Variants in NDUFAF2 observed in about 807,000 individuals in gnomAD.
NDUFAF2 encodes the protein NADH dehydrogenase [ubiquinone] 1 alpha subcomplex assembly factor 2.
A neutral mutation model predicts 22.8 loss-of-function variants in NDUFAF2; 13 were observed. That is an observed-to-expected ratio of 0.57 (90% CI 0.37 to 0.91). The LOEUF (loss-of-function observed/expected upper bound fraction) is 0.91. Ranked by LOEUF, NDUFAF2 falls within the 40% of genes least tolerant of loss-of-function variation. The probability of loss-of-function intolerance (pLI) is 0.01; values close to 1 mark genes in which losing one functional copy is unlikely to be tolerated. For synonymous variants in NDUFAF2, 53 were observed against 64.2 expected, an observed-to-expected ratio of 0.83 and a Z score of 0.84; for missense variants, 162 against 195.2, an observed-to-expected ratio of 0.83 and a Z score of 1.01.
At chr5:60,964,783 C>A (rs57818831) in intron 1 of NDUFAF2, among the ~76,000 whole-genome samples, 9,654 of 152,076 alleles carry the variant, frequency 0.063, 1,010 homozygotes, top group African/African-American at 0.22. Flanking sequence ...CCATGTTGTA[C>A]AATGGAACTC....
At chr5:61,141,664 A>AAATGAATGAATG (rs70977828) in intron 3 of NDUFAF2, among the ~76,000 whole-genome samples, 4,385 of 151,154 alleles carry the variant, frequency 0.029, 88 homozygotes, top group Middle Eastern at 0.061. Context: ...AGTATATATT[A>AAATGAATGAATG]AATGAATGAA....
At chr5:60,997,829 AT>A (rs903971017) in intron 1 of NDUFAF2, among the ~76,000 whole-genome samples, 1 of 152,116 alleles carries the variant, frequency 6.6e-6, no homozygotes, top group South Asian at 2.1e-4. Context: ...GAGAACAAAA[AT>A]TCTAAGTGTG....
chr5:61,034,910 A>ATGTGTGTGTG (rs200108799), intron 1 of NDUFAF2, among the ~76,000 whole-genome samples: 4 of 89,498 alleles, frequency 4.5e-5, no homozygotes, highest in Admixed American at 1.3e-4. Context: ...AGGCAAATAT[A>ATGTGTGTGTG]TATGTGTGTG....
chr5:61,120,741 T>TA (rs1752965517), intron 3 of NDUFAF2, among the ~76,000 whole-genome samples: 1 of 151,422 alleles, frequency 6.6e-6, no homozygotes, highest in African/African-American at 2.4e-5. Context: ...TTCTGAGTCA[T>TA]CATTAGTCAC....
chr5:61,040,178 G>A (rs948683110), intron 1 of NDUFAF2, among the ~76,000 whole-genome samples: 1 of 150,852 alleles, frequency 6.6e-6, no homozygotes, highest in Non-Finnish European at 1.5e-5. Context: ...TGTCTATACA[G>A]TTAAGTTAAG....
chr5:60,961,116 G>T (rs1255146991), intron 1 of NDUFAF2, among the ~76,000 whole-genome samples: 2 of 152,044 alleles, frequency 1.3e-5, no homozygotes, highest in Non-Finnish European at 2.9e-5. Flanking sequence ...GATGAAGTTC[G>T]ATTTGCTCTT....
chr5:60,996,543 C>T (rs2112588450), intron 1 of NDUFAF2, among the ~76,000 whole-genome samples: 1 of 152,208 alleles, frequency 6.6e-6, no homozygotes, highest in Middle Eastern at 3.4e-3. Flanking sequence ...CCCTTGGCAG[C>T]CCCACAGTGG....
At chr5:60,958,670 G>A (rs1161729460) in intron 1 of NDUFAF2, among the ~76,000 whole-genome samples, 3 of 151,986 alleles carry the variant, frequency 2.0e-5, no homozygotes, top group African/African-American at 4.8e-5. Flanking sequence ...AGATGTTTAC[G>A]GACCCAGAGG....
intron 2 of NDUFAF2, among the ~76,000 whole-genome samples, chr5:61,082,951 A>C (rs1306489306): frequency 6.6e-6 from 1 of 152,132 alleles, no homozygotes; most frequent in Non-Finnish European, 1.5e-5. Flanking sequence ...AGAATCGCCA[A>C]ACTGCTTTCC....
intron 1 of NDUFAF2, among the ~76,000 whole-genome samples, chr5:61,038,924 T>G (rs1175813894): frequency 6.6e-6 from 1 of 152,082 alleles, no homozygotes. Context: ...GCTTTTTTGT[T>G]TATCTTGTTA....
At chr5:60,974,055 G>A (rs1449276824) in intron 1 of NDUFAF2, among the ~76,000 whole-genome samples, 2 of 152,200 alleles carry the variant, frequency 1.3e-5, no homozygotes, top group Non-Finnish European at 2.9e-5. Context: ...TTGTTCTTCA[G>A]TATGTCTGTG....
chr5:60,991,429 A>G (rs1751157228), intron 1 of NDUFAF2, among the ~76,000 whole-genome samples: 1 of 151,886 alleles, frequency 6.6e-6, no homozygotes, highest in African/African-American at 2.4e-5. Context: ...TCTTTTTTGT[A>G]CCTATTAACT....
At chr5:61,060,740 A>C (rs1253260003) in intron 1 of NDUFAF2, among the ~76,000 whole-genome samples, 3 of 152,158 alleles carry the variant, frequency 2.0e-5, no homozygotes, top group Non-Finnish European at 4.4e-5. Context: ...CTACCCCATC[A>C]ATGTAAAATA....
At chr5:61,097,730 G>C (rs1051979364) in intron 2 of NDUFAF2, among the ~76,000 whole-genome samples, 2 of 152,146 alleles carry the variant, frequency 1.3e-5, no homozygotes, top group African/African-American at 4.8e-5. Flanking sequence ...CTAACATGTA[G>C]TTAGGGTCAC....
intron 3 of NDUFAF2, among the ~76,000 whole-genome samples, chr5:61,108,092 G>T (rs1447231853): frequency 6.7e-6 from 1 of 149,276 alleles, no homozygotes; most frequent in Non-Finnish European, 1.5e-5. Flanking sequence ...TCTTAATCCA[G>T]TCTATCATTG....
At chr5:61,135,065 A>G (rs1740902941) in intron 3 of NDUFAF2, among the ~76,000 whole-genome samples, 1 of 152,034 alleles carries the variant, frequency 6.6e-6, no homozygotes, top group Admixed American at 6.5e-5. Context: ...TATAGCATAA[A>G]AGAAATTAAA....
At chr5:61,069,715 C>G (rs1752272404) in intron 1 of NDUFAF2, among the ~76,000 whole-genome samples, 1 of 152,048 alleles carries the variant, frequency 6.6e-6, no homozygotes, top group African/African-American at 2.4e-5. Flanking sequence ...ACATGTGAAA[C>G]CTGTCTTTTA....
chr5:61,040,762 TAG>T (rs141228512), intron 1 of NDUFAF2, among the ~76,000 whole-genome samples: 1 of 152,120 alleles, frequency 6.6e-6, no homozygotes, highest in Admixed American at 6.5e-5. Context: ...GTATGCATAT[TAG>T]AGAGAGACTG....
intron 1 of NDUFAF2, among the ~76,000 whole-genome samples, chr5:60,955,908 A>G (rs1487363011): frequency 1.4e-5 from 2 of 143,826 alleles, no homozygotes; most frequent in Admixed American, 1.4e-4. Context: ...AGATTTTTGT[A>G]TGTTGACTTT....
Sources: gnomAD v4.1 joint callset for allele counts (sites outside exome capture counted in the v4.1 genomes callset) on GRCh38, gnomAD v4.1.1 for gene constraint, MANE v1.5 for transcripts, NCBI Gene and HGNC (gene_info 2026-07-23, HGNC 2026-07-21) for gene names.